The following KCNG1 variants were observed in gnomAD, a reference collection of about 807,000 sequenced individuals.
The protein encoded by KCNG1 is potassium voltage-gated channel modifier subfamily G member 1.
A neutral mutation model predicts 32.4 loss-of-function variants in KCNG1; 17 were observed. The ratio of observed to expected loss-of-function variants is 0.52; its 90% CI spans 0.36 to 0.79. The LOEUF (loss-of-function observed/expected upper bound fraction) is 0.79, where lower values mean the gene tolerates loss of function less well. Among genes scored for constraint, KCNG1 ranks in the 30% least tolerant of loss-of-function variants. The pLI, the probability that KCNG1 is intolerant of heterozygous loss-of-function variation, is 0.00. For missense variants in KCNG1, 441 were observed against 735.2 expected (o/e 0.60, Z 4.63); for synonymous variants, 358 against 339.9 (o/e 1.05, Z -0.59).
intron 1 of KCNG1, among the ~76,000 whole-genome samples, chr20:51,022,403 T>C (rs1165026616): frequency 1.3e-5 from 2 of 152,108 alleles, no homozygotes; most frequent in Non-Finnish European, 2.9e-5. Flanking sequence ...CTTGCTGTGT[T>C]CATAATGAAT....
rs150649238 is a variant in KCNG1 at position 51,019,044 on chromosome 20, TA to T, written c.-27+3825del. Among the ~76,000 whole-genome samples the T allele has an allele frequency of 4.6e-5, 7 of 151,942 alleles. No homozygotes were observed. The East Asian group carries it at 5.8e-4, about 13-fold the overall frequency. ...ATTTATATTTGCAAGTGAGCAGAGTTAAAAAAAATCAACAAAACCCCTAGTT... is the reference window on the plus strand; with the variant it reads ...ATTTATATTTGCAAGTGAGCAGAGTTAAAAAAATCAACAAAACCCCTAGTT... On this transcript the variant is annotated intron_variant, in intron 1 of 2. Coordinates refer to ENST00000371571, the MANE Select transcript of KCNG1 (RefSeq NM_002237.4).
At position 51,019,244 on chromosome 20, in the gene KCNG1, G is replaced by T. The variant is rs78812264; in HGVS notation, c.-27+3626C>A. On this transcript the variant is annotated intron_variant, in intron 1 of 2. Coordinates refer to ENST00000371571, the MANE Select transcript of KCNG1 (RefSeq NM_002237.4). ...TAATAAATTCAGGCTGGGCGCAGGG[G>T]CTTACGCCTGGAATCCTAGCACTTT... is the stretch of plus-strand genomic sequence containing the variant. Among the ~76,000 whole-genome samples, 964 of 152,302 alleles carry T rather than the reference G, an allele frequency of 6.3e-3. 14 individuals are homozygous for T. The highest frequency in any genetic ancestry group is 0.023 in the East Asian group (120 of 5,178).
At chr20:51,014,413 TGTTA>T (rs1449195818) in intron 1 of KCNG1, among the ~76,000 whole-genome samples, 1 of 152,212 alleles carries the variant, frequency 6.6e-6, no homozygotes, top group Non-Finnish European at 1.5e-5. Context: ...TTCTCTGTGG[TGTTA>T]GTTCTGTTAG....
chr20:51,021,834 A>G (rs1022873825), intron 1 of KCNG1, among the ~76,000 whole-genome samples: 1 of 152,114 alleles, frequency 6.6e-6, no homozygotes, highest in Non-Finnish European at 1.5e-5. Context: ...GTAATGTCGG[A>G]TCAGTGTTTC....
At position 51,004,258 on chromosome 20, in the gene KCNG1, G is replaced by C. The variant is rs1164246550; in HGVS notation, c.1323C>G (p.Ala441=). Reference sequence around the variant, plus strand: ...GGATGCCGCTCAGGATGCTGCTCAGGGCCACTACCTGGCCCGGGGTGCTCC... The same window carrying C: ...GGATGCCGCTCAGGATGCTGCTCAGCGCCACTACCTGGCCCGGGGTGCTCC... ...VPRSTPGQVV[A]LSSILSGILL... The change falls in exon 3 of 3, where the codon GCC becomes GCG. Residue 441 remains alanine (A), a synonymous_variant. Transcript: ENST00000371571. The surrounding 1 kb of genome is among the most constrained non-coding windows in gnomAD (Gnocchi z 4.3). 6.2e-7 allele frequency: 1 copy of C among 1,613,580 alleles called. No individual in the cohort carries two copies. The highest frequency in any genetic ancestry group is 8.5e-7 in the Non-Finnish European group (1 of 1,179,754).
chr20:51,019,238 G>A (rs576214372), intron 1 of KCNG1, among the ~76,000 whole-genome samples: 8 of 152,280 alleles, frequency 5.3e-5, no homozygotes, highest in Non-Finnish European at 1.2e-4. Flanking sequence ...CAGGCTGGGC[G>A]CAGGGGCTTA....
chr20:51,018,807 G>C (rs1988370277), intron 1 of KCNG1, among the ~76,000 whole-genome samples: 1 of 152,144 alleles, frequency 6.6e-6, no homozygotes, highest in Non-Finnish European at 1.5e-5. Context: ...TAGATCTGTG[G>C]GACTCCAGGC....
chr20:51,013,247 A>G (rs1033340182), intron 1 of KCNG1, among the ~76,000 whole-genome samples: 1 of 152,098 alleles, frequency 6.6e-6, no homozygotes, highest in Non-Finnish European at 1.5e-5. Context: ...GGTTGCAGTG[A>G]GCTGAGATGG....
In KCNG1 at chr20:51,004,689, G is replaced by A; in HGVS notation, c.892C>T (p.Arg298Trp). The change falls in exon 3 of 3, where the codon CGG (arginine) becomes TGG (tryptophan). Residue 298 changes from arginine (R) to tryptophan (W), a missense_variant. This residue lies in a region of KCNG1 where 169 missense variants were observed against 297.7 expected (regional missense o/e 0.57). Transcript: ENST00000371571. This position sits in a 1 kb window ranked among gnomAD's most constrained non-coding sequence, Gnocchi z 4.3. Reference protein sequence around the residue: ...IQAPSKFAFLRSPLTLIDLVA... With the variant: ...IQAPSKFAFLWSPLTLIDLVA... The stretch of plus-strand genomic sequence containing the variant: ...AGGTCGATCAGCGTCAGCGGGCTCC[G>A]CAGGAAGGCGAACTTGCTGGGCGCC... The A allele has an allele frequency of 1.2e-6, 2 of 1,600,016 alleles. No individual in the cohort carries two copies. Among genetic ancestry groups the A allele is most frequent in the Non-Finnish European group, 1.7e-6 (2 of 1,173,436 alleles).
intron 1 of KCNG1, among the ~76,000 whole-genome samples, chr20:51,019,348 C>T (rs1988387928): frequency 6.6e-6 from 1 of 152,148 alleles, no homozygotes; most frequent in Admixed American, 6.5e-5. Flanking sequence ...CCTGTTTCTA[C>T]AATTAAAAAA....
intron 1 of KCNG1, among the ~76,000 whole-genome samples, chr20:51,016,927 C>T (rs575969329): frequency 4.1e-4 from 62 of 152,284 alleles, no homozygotes; most frequent in African/African-American, 1.4e-3. Flanking sequence ...AGCCACTGGG[C>T]GGTAATGAGG....
At chr20:51,017,895 ATCT>A (rs1390371778) in intron 1 of KCNG1, among the ~76,000 whole-genome samples, 3 of 152,152 alleles carry the variant, frequency 2.0e-5, no homozygotes, top group South Asian at 2.1e-4. Context: ...CGTGAGAAAA[ATCT>A]TCTGCGTTGG....
chr20:51,014,194 T>G (rs183762053), intron 1 of KCNG1: 1 of 152,190 alleles, frequency 6.6e-6, no homozygotes, highest in Admixed American at 6.5e-5. Flanking sequence ...CCTGGGGAAA[T>G]GCTGAGGCCA....
At chr20:51,008,097 C>T (rs551559603) in intron 2 of KCNG1, 1 of 152,338 alleles carries the variant, frequency 6.6e-6, no homozygotes, top group East Asian at 1.9e-4. Flanking sequence ...TATTTCTCCA[C>T]TGCCTATACA....
intron 2 of KCNG1, among the ~76,000 whole-genome samples, chr20:51,007,540 A>G (rs754861309): frequency 7.2e-5 from 11 of 152,200 alleles, no homozygotes; most frequent in African/African-American, 4.8e-5. Context: ...TACTGGTTGA[A>G]TGCTATTTTC....
At chr20:51,008,324 AT>A (rs1159682886) in intron 2 of KCNG1, among the ~76,000 whole-genome samples, 1 of 152,114 alleles carries the variant, frequency 6.6e-6, no homozygotes, top group Non-Finnish European at 1.5e-5. Context: ...CAACCTCACA[AT>A]TTTTAAAAAA....
chr20:51,011,731 A>G (rs1316376065), intron 1 of KCNG1, among the ~76,000 whole-genome samples: 2 of 152,200 alleles, frequency 1.3e-5, no homozygotes, highest in African/African-American at 4.8e-5. Flanking sequence ...GGCCTAAGTG[A>G]ATTATGTACA....
At position 51,004,972 on chromosome 20, in the gene KCNG1, C is replaced by CG; in HGVS notation, c.775-167_775-166insC. 8.3e-6 allele frequency: 5 copies of CG among 604,518 alleles called. No individual in the cohort carries two copies. The highest frequency in any genetic ancestry group is 7.7e-5 in the South Asian group (3 of 39,128). 37.4% of individuals were successfully genotyped at this position (604,518 alleles called of 1,614,324 possible). ...GTTGTGCCCACTCCGAGGCCTGGGGCACTAAGCACCATCTCTACACTGGCC... is the reference window on the plus strand; with the variant it reads ...GTTGTGCCCACTCCGAGGCCTGGGGCGACTAAGCACCATCTCTACACTGGCC... On this transcript the variant is annotated intron_variant, in intron 2 of 2. Transcript: ENST00000371571. The surrounding 1 kb of genome is among the most constrained non-coding windows in gnomAD (Gnocchi z 4.3).
chr20:51,010,401 C>A (rs1203546813), intron 1 of KCNG1, 37 bp from the exon 2 acceptor site: 1 of 1,354,978 alleles, frequency 7.4e-7, no homozygotes, highest in Non-Finnish European at 9.9e-7. Flanking sequence ...TCAGTGACCA[C>A]CCCTAGCTTC....
Sources: allele counts gnomAD v4.1 joint callset (sites outside exome capture counted in the v4.1 genomes callset), GRCh38; gene constraint gnomAD v4.1.1; regional missense constraint gnomAD v4.1.1; non-coding constraint Gnocchi (gnomAD v3.1); transcripts MANE v1.5; gene names NCBI Gene and HGNC (gene_info 2026-07-23, HGNC 2026-07-21).